The following FBLN5 variants were observed in gnomAD, a reference collection of about 807,000 sequenced individuals.
FBLN5 encodes the protein fibulin 5.
FBLN5 carries 24 observed loss-of-function variants against 61.6 expected under a neutral mutation model. The ratio of observed to expected loss-of-function variants is 0.39; its 90% confidence interval spans 0.28 to 0.55. The LOEUF is 0.55. Among genes scored for constraint, FBLN5 ranks in the 20% least tolerant of loss-of-function variants. The pLI is 0.65. For synonymous variants in FBLN5, 213 were observed against 219.8 expected (o/e 0.97, Z 0.27); for missense variants, 470 against 594.1 (o/e 0.79, Z 2.17).
chr14:91,896,115 T>C (rs1480608066), intron 4 of FBLN5, among the ~76,000 whole-genome samples: 1 of 152,202 alleles, frequency 6.6e-6, no homozygotes, highest in African/African-American at 2.4e-5. Flanking sequence ...GGACAGTCAG[T>C]GCTCAAAACT....
At chr14:91,919,514 C>T (rs2055697043) in intron 4 of FBLN5, among the ~76,000 whole-genome samples, 2 of 152,124 alleles carry the variant, frequency 1.3e-5, no homozygotes, top group Admixed American at 6.5e-5. Flanking sequence ...TGAATCGTGT[C>T]CCTCCAAAAT....
intron 4 of FBLN5, among the ~76,000 whole-genome samples, chr14:91,919,996 T>G (rs2055706565): frequency 6.6e-6 from 1 of 152,210 alleles, no homozygotes; most frequent in South Asian, 2.1e-4. Context: ...CTCCCTCCCC[T>G]GTCTGGTTTC....
chr14:91,946,487 C>G lies in FBLN5; in HGVS notation c.17+726G>C, dbSNP rs192653921. 3.0e-3 allele frequency among the ~76,000 whole-genome samples: 455 copies of G among 151,562 alleles called. 2 individuals are homozygous for G. The highest frequency in any genetic ancestry group is 4.1e-3 in the Admixed American group (63 of 15,208). On this transcript the variant is annotated intron_variant, in intron 1 of 10. Transcript: ENST00000342058. ...TGTCACAGAAGTGCTGGTCCCCAAT[C>G]CAGGATGACATTGTTACAGCTTAGT...
intron 4 of FBLN5, among the ~76,000 whole-genome samples, chr14:91,926,456 G>A (rs577855404): frequency 6.6e-6 from 1 of 152,314 alleles, no homozygotes; most frequent in South Asian, 2.1e-4. Flanking sequence ...ATAGGAGAAC[G>A]AAGGTACCCA....
chr14:91,946,776 CAT>C (rs1000070793), intron 1 of FBLN5: 3 of 1,536,070 alleles, frequency 2.0e-6, no homozygotes, highest in Admixed American at 3.9e-5. Flanking sequence ...CCCACACAAA[CAT>C]AGAGCAAATC....
intron 4 of FBLN5, among the ~76,000 whole-genome samples, chr14:91,902,963 A>G (rs1811886597): frequency 6.6e-6 from 1 of 152,168 alleles, no homozygotes; most frequent in Non-Finnish European, 1.5e-5. Flanking sequence ...TCAAAAAACT[A>G]ACTACTGGGA....
chr14:91,918,593 G>T (rs1320148930), intron 4 of FBLN5, among the ~76,000 whole-genome samples: 2 of 152,178 alleles, frequency 1.3e-5, no homozygotes, highest in African/African-American at 4.8e-5. Context: ...AAGGATGGAA[G>T]GATGGAAAGA....
intron 4 of FBLN5, among the ~76,000 whole-genome samples, chr14:91,920,347 A>C (rs1258353289): frequency 1.3e-5 from 2 of 152,234 alleles, no homozygotes; most frequent in African/African-American, 4.8e-5. Flanking sequence ...TATGATTTAC[A>C]AAGAGGACTG....
At chr14:91,877,711 C>G (rs376776196) in intron 9 of FBLN5, 29 bp from the exon 10 acceptor site, 210 of 1,583,558 alleles carry the variant, frequency 1.3e-4, no homozygotes, top group Non-Finnish European at 1.8e-4. Flanking sequence ...CGTGAGAACT[C>G]AAGAAATCCA....
intron 4 of FBLN5, among the ~76,000 whole-genome samples, chr14:91,908,113 G>A (rs966094392): frequency 6.6e-6 from 1 of 152,180 alleles, no homozygotes; most frequent in African/African-American, 2.4e-5. Context: ...CAGTAGTGGA[G>A]GAAATTCTAA....
intron 1 of FBLN5, chr14:91,947,000 A>G: frequency 1.3e-6 from 2 of 1,502,196 alleles, no homozygotes; most frequent in African/African-American, 1.4e-5. Context: ...TTGAAACTGT[A>G]TTAGAAAATA....
In FBLN5 at chr14:91,947,449, C is replaced by T. The variant is rs911713024; in HGVS notation, c.-220G>A. 2 of 626,876 alleles carry T rather than the reference C, an allele frequency of 3.2e-6. No homozygotes were observed. The highest frequency in any genetic ancestry group is 3.7e-5 in the African/African-American group (2 of 54,054). The allele number at this position is 626,876 out of a possible 1,614,324, so 38.8% of individuals were successfully genotyped here. ...CGCAAGCACCTGGTTTTGCTTAGCC[C>T]TCTTCAGTAATTCAGCATTAAACCA... On this transcript the variant is annotated 5_prime_UTR_variant, in exon 1 of 11. Transcript: ENST00000342058. The surrounding 1 kb of genome is among the most constrained non-coding windows in gnomAD (Gnocchi z 4.3).
At chr14:91,936,110 A>C (rs2056010741) in intron 4 of FBLN5, among the ~76,000 whole-genome samples, 1 of 152,258 alleles carries the variant, frequency 6.6e-6, no homozygotes, top group African/African-American at 2.4e-5. Flanking sequence ...CAGAGCCCTG[A>C]AATGGGACAA....
chr14:91,894,836 CCTAG>C, intron 5 of FBLN5, 110 bp downstream of exon 5: 1 of 620,280 alleles, frequency 1.6e-6, no homozygotes, highest in Non-Finnish European at 2.8e-6. Flanking sequence ...TCCCGCCCTC[CCTAG>C]CAAAGAAAAG....
chr14:91,947,220 T>C lies in FBLN5; in HGVS notation c.10A>G (p.Ile4Val), dbSNP rs770438518. 1 of 1,614,196 alleles carries C rather than the reference T, an allele frequency of 6.2e-7. No individual in the cohort carries two copies. Among genetic ancestry groups the C allele is most frequent in the Non-Finnish European group, 8.5e-7 (1 of 1,180,034 alleles). Reference protein sequence around the residue: MPGIKRILTVTILA... With the variant: MPGVKRILTVTILA... ...CCAGCGCCGAGAACCCACCTTTTTATTCCTGGCATGTCCAAGACGCGCGAG... is the reference window on the plus strand; with the variant it reads ...CCAGCGCCGAGAACCCACCTTTTTACTCCTGGCATGTCCAAGACGCGCGAG... Residue 4 changes from isoleucine to valine, a missense_variant, in exon 1 of 11, where the codon ATA becomes GTA. Coordinates refer to ENST00000342058, the MANE Select transcript of FBLN5 (RefSeq NM_006329.4). The surrounding 1 kb of genome is among the most constrained non-coding windows in gnomAD (Gnocchi z 4.3).
chr14:91,884,405 C>A (rs939583727), intron 7 of FBLN5, among the ~76,000 whole-genome samples: 2 of 152,200 alleles, frequency 1.3e-5, no homozygotes, highest in Non-Finnish European at 1.5e-5. Flanking sequence ...TTGTAGATTC[C>A]ACTCATACTT....
intron 3 of FBLN5, among the ~76,000 whole-genome samples, chr14:91,939,329 C>T (rs1029978573): frequency 1.4e-5 from 2 of 143,306 alleles, no homozygotes; most frequent in African/African-American, 5.2e-5. Flanking sequence ...CAAATGTGAC[C>T]TCCATTAATT....
Position 91,870,377 on chromosome 14 carries a change from G to A in FBLN5, c.1194C>T (p.Gly398=), listed in dbSNP as rs1382242627. The A allele has an allele frequency of 6.2e-7, 1 of 1,613,828 alleles. No individual in the cohort carries two copies. The highest frequency in any genetic ancestry group is 1.7e-5 in the Admixed American group (1 of 60,030). The change falls in exon 11 of 11, where the codon GGC becomes GGT. Residue 398 remains glycine (G), a synonymous_variant. Coordinates refer to ENST00000342058, the MANE Select transcript of FBLN5 (RefSeq NM_006329.4). ...EGREFYMRQT[G]PISATLVMTR... is the part of the protein sequence containing the mutation. ...TCATCACCAGGGTGGCACTGATGGG[G>A]CCCGTTTGCTATGGACAGAACCGGG...
intron 9 of FBLN5, among the ~76,000 whole-genome samples, chr14:91,878,359 C>T (rs1889269314): frequency 6.6e-6 from 1 of 152,132 alleles, no homozygotes; most frequent in South Asian, 2.1e-4. Flanking sequence ...ACAGAGTGCC[C>T]TAATATAAAA....
Sources: allele counts gnomAD v4.1 joint callset (sites outside exome capture counted in the v4.1 genomes callset), GRCh38; gene constraint gnomAD v4.1.1; non-coding constraint Gnocchi (gnomAD v3.1); transcripts MANE v1.5; gene names NCBI Gene and HGNC (gene_info 2026-07-23, HGNC 2026-07-21).